The following KDM3A variants were observed in gnomAD, a reference collection of about 807,000 sequenced individuals.
KDM3A encodes lysine demethylase 3A, also known as lysine-specific demethylase 3A.
In KDM3A, 60 loss-of-function variants were observed where a neutral mutation model predicts 158.0. The ratio of observed to expected loss-of-function variants is 0.38; its 90% CI spans 0.31 to 0.47. The LOEUF (loss-of-function observed/expected upper bound fraction) is 0.47. KDM3A is among the 20% of genes least tolerant of loss of function. The pLI is 0.99. For missense variants in KDM3A, 1,319 were observed against 1,574.3 expected (o/e 0.84, Z 2.74); for synonymous variants, 608 against 549.3 (o/e 1.11, Z -1.49).
rs1161657145 is a variant in KDM3A at position 86,470,079 on chromosome 2, G to A, written c.1520-125G>A. 8.4e-6 allele frequency: 6 copies of A among 718,214 alleles called. No homozygotes were observed. In the East Asian group the frequency reaches 1.6e-4, roughly 19 times the overall value. 44.5% of individuals were successfully genotyped at this position (718,214 alleles called of 1,614,324 possible). A position where few individuals can be genotyped will look rare whatever the true frequency, so the allele number is the denominator to read the frequency against. ...TGAGCCATTTTTAGAAATTACAATTGAACCAGGAATTGAGAAGGGAGTTCT... is the reference window on the plus strand; with the variant it reads ...TGAGCCATTTTTAGAAATTACAATTAAACCAGGAATTGAGAAGGGAGTTCT... On this transcript the variant is annotated intron_variant, in intron 10 of 25. Coordinates refer to ENST00000312912, the MANE Select transcript of KDM3A (RefSeq NM_018433.6).
chr2:86,452,446 G>T (rs1248304365), intron 4 of KDM3A, among the ~76,000 whole-genome samples: 1 of 152,040 alleles, frequency 6.6e-6, no homozygotes, highest in Non-Finnish European at 1.5e-5. Flanking sequence ...GAGGCTTGAA[G>T]GAACCTACAC....
chr2:86,478,031 T>C lies in KDM3A; in HGVS notation c.2092+2T>C. ...TGAAGAGAAAGAATTGCCAACAGGGTGAGAACCGATTTGATTCTCCTCCAG... is the reference window on the plus strand; with the variant it reads ...TGAAGAGAAAGAATTGCCAACAGGGCGAGAACCGATTTGATTCTCCTCCAG... On this transcript the variant is annotated splice_donor_variant, in intron 13 of 25. Transcript: ENST00000312912. LOFTEE classifies it high-confidence loss of function. 2 of 1,614,138 alleles carry C rather than the reference T, an allele frequency of 1.2e-6. No homozygotes were observed. The highest frequency in any genetic ancestry group is 8.5e-7 in the Non-Finnish European group (1 of 1,180,008).
chr2:86,475,526 T>C (rs1673622498), intron 12 of KDM3A, among the ~76,000 whole-genome samples: 1 of 152,190 alleles, frequency 6.6e-6, no homozygotes, highest in South Asian at 2.1e-4. Flanking sequence ...GGGAGCACTG[T>C]TACACTGATC....
chr2:86,478,137 A>G lies in KDM3A; in HGVS notation c.2093-33A>G, dbSNP rs751113762. ...TGAAGCATGTGGAGACAGAGTCTGTAAAGAACAGTTACTACAAATCAGTTA... is the reference window on the plus strand; with the variant it reads ...TGAAGCATGTGGAGACAGAGTCTGTGAAGAACAGTTACTACAAATCAGTTA... On this transcript the variant is annotated intron_variant, in intron 13 of 25. Coordinates refer to ENST00000312912, the MANE Select transcript of KDM3A (RefSeq NM_018433.6). The G allele has an allele frequency of 4.3e-6, 7 of 1,609,746 alleles. No individual in the cohort carries two copies. In the South Asian group the frequency reaches 7.7e-5, roughly 18 times the overall value.
chr2:86,451,565 G>C (rs948318231), intron 4 of KDM3A, among the ~76,000 whole-genome samples: 1 of 151,778 alleles, frequency 6.6e-6, no homozygotes, highest in African/African-American at 2.4e-5. Context: ...TTTTGTCCTT[G>C]TCTTCATGTT....
intron 5 of KDM3A, among the ~76,000 whole-genome samples, chr2:86,455,989 A>ATT (rs1250135793): frequency 6.6e-6 from 1 of 150,894 alleles, no homozygotes; most frequent in Non-Finnish European, 1.5e-5. Flanking sequence ...GAAAAAAGAT[A>ATT]TTTTTAAAGC....
chr2:86,486,696 T>C (rs1278208628), intron 21 of KDM3A, among the ~76,000 whole-genome samples: 1 of 152,190 alleles, frequency 6.6e-6, no homozygotes, highest in Non-Finnish European at 1.5e-5. Context: ...ACAAGGTCTG[T>C]TGTTGTCTTC....
At chr2:86,470,083 C>G in intron 10 of KDM3A, 121 bp from the exon 11 acceptor site, 1 of 728,008 alleles carries the variant, frequency 1.4e-6, no homozygotes, top group East Asian at 2.7e-5. Context: ...ACAATTGAAC[C>G]AGGAATTGAG....
At position 86,492,461 on chromosome 2, in the gene KDM3A, C is replaced by G; in HGVS notation, c.*342C>G. The G allele has an allele frequency of 4.7e-6, 1 of 210,882 alleles. No individual in the cohort carries two copies. The highest frequency in any genetic ancestry group is 2.3e-5 in the African/African-American group (1 of 43,536). The allele number at this position is 210,882 out of a possible 1,614,324, so 13.1% of individuals were successfully genotyped here. A position where few individuals can be genotyped will look rare whatever the true frequency, so the allele number is the denominator to read the frequency against. ...TTGGGTTTATAACTATTAGGAATCACTGCACAGTTTATTTGGGTTGTGTTT... is the reference window on the plus strand; with the variant it reads ...TTGGGTTTATAACTATTAGGAATCAGTGCACAGTTTATTTGGGTTGTGTTT... On this transcript the variant is annotated 3_prime_UTR_variant, in exon 26 of 26. Coordinates refer to ENST00000312912, the MANE Select transcript of KDM3A (RefSeq NM_018433.6).
intron 10 of KDM3A, 46 bp from the exon 11 acceptor site, chr2:86,470,158 T>C: frequency 6.5e-7 from 1 of 1,528,136 alleles, no homozygotes; most frequent in Non-Finnish European, 9.1e-7. Flanking sequence ...TGAATGTGAT[T>C]TTTAAAAATT....
At chr2:86,465,410 T>C (rs1465225740) in intron 9 of KDM3A, among the ~76,000 whole-genome samples, 1 of 152,140 alleles carries the variant, frequency 6.6e-6, no homozygotes, top group Non-Finnish European at 1.5e-5. Context: ...TTTGAGGTTT[T>C]TTAGAGACAG....
chr2:86,441,691 G>T (rs1269662513), intron 1 of KDM3A, among the ~76,000 whole-genome samples: 3 of 151,024 alleles, frequency 2.0e-5, no homozygotes, highest in Non-Finnish European at 3.0e-5. Context: ...CTGCACCAGG[G>T]GCCTTTTCTT....
At chr2:86,448,339 GA>G (rs1010808754) in intron 2 of KDM3A, among the ~76,000 whole-genome samples, 1 of 152,124 alleles carries the variant, frequency 6.6e-6, no homozygotes, top group African/African-American at 2.4e-5. Flanking sequence ...GCAGGTGAGA[GA>G]AACAAGATAG....
In KDM3A at chr2:86,492,669, T is replaced by G. The variant is rs948296496; in HGVS notation, c.*550T>G. ...TGGAATTTTAATTTAAATGACGCTT[T>G]GCTAATTTTAAGTGTTAAGCATTTT... On this transcript the variant is annotated 3_prime_UTR_variant, in exon 26 of 26. Coordinates refer to ENST00000312912, the MANE Select transcript of KDM3A (RefSeq NM_018433.6). The G allele has an allele frequency of 2.0e-5, 3 of 152,652 alleles. No individual in the cohort carries two copies. The highest frequency in any genetic ancestry group is 7.2e-5 in the African/African-American group (3 of 41,460). 9.5% of individuals were successfully genotyped at this position (152,652 alleles called of 1,614,324 possible). A position where few individuals can be genotyped will look rare whatever the true frequency, so the allele number is the denominator to read the frequency against.
At chr2:86,478,763 A>T in intron 15 of KDM3A, 28 bp downstream of exon 15, 1 of 1,603,296 alleles carries the variant, frequency 6.2e-7, no homozygotes, top group Non-Finnish European at 8.5e-7. Context: ...TAAATTCAAC[A>T]TCTCTTGTAA....
intron 5 of KDM3A, among the ~76,000 whole-genome samples, chr2:86,455,432 T>C (rs1382439550): frequency 6.6e-6 from 1 of 152,010 alleles, no homozygotes; most frequent in East Asian, 1.9e-4. Flanking sequence ...TTTGTATTTT[T>C]AGTAGAGACA....
intron 11 of KDM3A, 77 bp from the exon 12 acceptor site, chr2:86,474,697 TAA>T: frequency 1.7e-6 from 1 of 591,542 alleles, no homozygotes; most frequent in Non-Finnish European, 2.6e-6. Flanking sequence ...AAGTTGTAAA[TAA>T]GTTGTGTGTG....
chr2:86,475,861 A>T (rs541520044), intron 12 of KDM3A, among the ~76,000 whole-genome samples: 11 of 152,314 alleles, frequency 7.2e-5, no homozygotes, highest in Non-Finnish European at 1.3e-4. Flanking sequence ...TTGATTTATT[A>T]CCAGCAACTA....
At chr2:86,481,665 A>G (rs1241844705) in intron 16 of KDM3A, among the ~76,000 whole-genome samples, 1 of 152,190 alleles carries the variant, frequency 6.6e-6, no homozygotes, top group Admixed American at 6.5e-5. Context: ...AAAAATCCAA[A>G]AGAATCTACA....
Sources: gnomAD v4.1 joint callset for allele counts (sites outside exome capture counted in the v4.1 genomes callset) on GRCh38, gnomAD v4.1.1 for gene constraint, MANE v1.5 for transcripts, NCBI Gene and HGNC (gene_info 2026-07-23, HGNC 2026-07-21) for gene names.